The following ZFYVE26 variants were observed in gnomAD, a reference collection of about 807,000 sequenced individuals.
The protein encoded by ZFYVE26 is zinc finger FYVE-type containing 26, also known as zinc finger FYVE domain-containing protein 26.
In ZFYVE26, 181 loss-of-function variants were observed where a neutral mutation model predicts 276.5. The observed-to-expected ratio is 0.65, with a 90% CI of 0.58 to 0.74. The LOEUF (loss-of-function observed/expected upper bound fraction) is 0.74. Ranked by LOEUF, ZFYVE26 falls within the 30% of genes least tolerant of loss-of-function variation. The pLI, the probability that ZFYVE26 is intolerant of heterozygous loss-of-function variation, is 0.00. For synonymous variants in ZFYVE26, 1,129 were observed against 1,203.1 expected (o/e 0.94, Z 1.27); for missense variants, 2,821 against 3,097.9 (o/e 0.91, Z 2.12).
chr14:67,748,375 A>G lies in ZFYVE26; in HGVS notation c.*61T>C, dbSNP rs1594877833. 3.2e-6 allele frequency: 5 copies of G among 1,563,766 alleles called. No individual in the cohort carries two copies. The East Asian group carries it at 1.1e-4, about 35-fold the overall frequency. ...CCACTGGAGGAAAGAGGTGGAGGGC[A>G]TCGCCATCACTGCTGTTGCCCAGCT... On this transcript the variant is annotated 3_prime_UTR_variant, in exon 42 of 42. Coordinates refer to ENST00000347230, the MANE Select transcript of ZFYVE26 (RefSeq NM_015346.4).
chr14:67,797,413 G>GA (rs1254298396), intron 12 of ZFYVE26: 20 of 523,954 alleles, frequency 3.8e-5, no homozygotes, highest in Admixed American at 1.6e-4. Flanking sequence ...GGATATAAAT[G>GA]AAAAAAGCAA....
chr14:67,756,341 A>G, intron 35 of ZFYVE26, 196 bp from the exon 36 acceptor site: 1 of 654,128 alleles, frequency 1.5e-6, no homozygotes, highest in Non-Finnish European at 2.7e-6. Flanking sequence ...CCTTTTACAG[A>G]GAAGCCCCTA....
chr14:67,769,626 C>T lies in ZFYVE26; in HGVS notation c.5589G>A (p.Val1863=). ...VEGCRENPAR[V]CDQCYSYCNK... ...TGCAGTAACTATAGCACTGATCACA[C>T]ACACGAGCAGGGTTCTCTCTGCAGC... Residue 1863 remains valine, a synonymous_variant, in exon 29 of 42, where the codon GTG becomes GTA. Coordinates refer to ENST00000347230, the MANE Select transcript of ZFYVE26 (RefSeq NM_015346.4). The T allele has an allele frequency of 6.2e-7, 1 of 1,614,008 alleles. No individual in the cohort carries two copies. The highest frequency in any genetic ancestry group is 8.5e-7 in the Non-Finnish European group (1 of 1,179,894).
At chr14:67,752,966 A>G (rs569472275) in intron 39 of ZFYVE26, among the ~76,000 whole-genome samples, 43 of 152,126 alleles carry the variant, frequency 2.8e-4, no homozygotes, top group African/African-American at 8.7e-4. Flanking sequence ...AACACCTTAA[A>G]CCTGGTCTAG....
chr14:67,753,945 G>T, intron 38 of ZFYVE26, 126 bp downstream of exon 38: 2 of 1,537,738 alleles, frequency 1.3e-6, no homozygotes, highest in Non-Finnish European at 1.8e-6. Context: ...GTCTTTGGTG[G>T]CTCATATTCT....
intron 13 of ZFYVE26, among the ~76,000 whole-genome samples, chr14:67,732,214 A>G (rs1037522039): frequency 6.6e-6 from 1 of 151,480 alleles, no homozygotes; most frequent in Non-Finnish European, 1.5e-5. Context: ...AGGCAGGAGG[A>G]TTGCTTGAGC....
chr14:67,745,517 C>T (rs552490751), downstream of ZFYVE26, among the ~76,000 whole-genome samples: 5 of 151,446 alleles, frequency 3.3e-5, no homozygotes, highest in Non-Finnish European at 5.9e-5. Flanking sequence ...ATCATGTTTC[C>T]GGGGAAAGGA....
Position 67,761,598 on chromosome 14 carries a change from G to C in ZFYVE26, c.6370-14C>G, listed in dbSNP as rs1445671718. 1 of 1,611,206 alleles carries C rather than the reference G, an allele frequency of 6.2e-7. No individual in the cohort carries two copies. The highest frequency in any genetic ancestry group is 1.3e-5 in the African/African-American group (1 of 74,856). ...ATCGTCATCTTGCTGACAGCACAGG[G>C]AGCGAGAGAGAAAAATGAAACTCAA... is the stretch of plus-strand genomic sequence containing the variant. On this transcript the variant is annotated splice_polypyrimidine_tract_variant and intron_variant, in intron 34 of 41. Coordinates refer to ENST00000347230, the MANE Select transcript of ZFYVE26 (RefSeq NM_015346.4).
intron 2 of ZFYVE26, 72 bp downstream of exon 2, chr14:67,815,698 T>C: frequency 6.7e-7 from 1 of 1,487,810 alleles, no homozygotes; most frequent in Admixed American, 1.7e-5. Flanking sequence ...GGGGGCACAT[T>C]GACCAATGCC....
chr14:67,794,243 C>A lies in ZFYVE26; in HGVS notation c.2333-4G>T. The A allele has an allele frequency of 6.2e-7, 1 of 1,614,014 alleles. No homozygotes were observed. Among genetic ancestry groups the A allele is most frequent in the Non-Finnish European group, 8.5e-7 (1 of 1,179,868 alleles). ...TTTGAACCTCTGTCTCGGCCATCTA[C>A]AGGTATTGGGAAGAAGAGAGAAAGT... On this transcript the variant is annotated splice_region_variant and splice_polypyrimidine_tract_variant and intron_variant, in intron 12 of 41. Coordinates refer to ENST00000347230, the MANE Select transcript of ZFYVE26 (RefSeq NM_015346.4).
intron 1 of ZFYVE26, 106 bp from the exon 2 acceptor site, chr14:67,816,152 T>C (rs565156973): frequency 3.5e-6 from 2 of 565,994 alleles, no homozygotes; most frequent in Admixed American, 6.4e-5. Context: ...TGCCTAAGTA[T>C]CGTTTTCAGT....
chr14:67,793,432 C>T (rs978474669), intron 14 of ZFYVE26, among the ~76,000 whole-genome samples, 176 bp downstream of exon 14: 1 of 152,038 alleles, frequency 6.6e-6, no homozygotes, highest in Non-Finnish European at 1.5e-5. Context: ...AATTCACTAT[C>T]TTTCAATCCA....
chr14:67,749,249 T>A (rs2038570968), intron 41 of ZFYVE26, among the ~76,000 whole-genome samples: 1 of 151,998 alleles, frequency 6.6e-6, no homozygotes, highest in Non-Finnish European at 1.5e-5. Context: ...GAATCTAAAG[T>A]TTTTTTTATA....
In ZFYVE26 at chr14:67,775,119, A is replaced by T; in HGVS notation, c.5222-5T>A. ...CTTGGAGGTGAATCACAGAATCTGT[A>T]GAGAGGGAAAATGCTGACAAAATAT... On this transcript the variant is annotated splice_polypyrimidine_tract_variant and splice_region_variant and intron_variant, in intron 26 of 41. Coordinates refer to ENST00000347230, the MANE Select transcript of ZFYVE26 (RefSeq NM_015346.4). 1 of 1,596,834 alleles carries T rather than the reference A, an allele frequency of 6.3e-7. No individual in the cohort carries two copies. The highest frequency in any genetic ancestry group is 8.6e-7 in the Non-Finnish European group (1 of 1,168,172).
At chr14:67,793,506 T>A (rs901059871) in intron 14 of ZFYVE26, 102 bp downstream of exon 14, 3 of 1,336,000 alleles carry the variant, frequency 2.2e-6, no homozygotes, top group Non-Finnish European at 3.1e-6. Context: ...TTCTGCTTGA[T>A]GTGGACCCCT....
At chr14:67,806,958 TCTCA>T (rs1264731981) in intron 5 of ZFYVE26, among the ~76,000 whole-genome samples, 3 of 152,100 alleles carry the variant, frequency 2.0e-5, no homozygotes, top group Non-Finnish European at 2.9e-5. Context: ...TGAGATAGGG[TCTCA>T]CTCTGTCATG....
At chr14:67,791,656 G>GA (rs778915327) in intron 14 of ZFYVE26, among the ~76,000 whole-genome samples, 2,076 of 131,438 alleles carry the variant, frequency 0.016, 45 homozygotes, top group Admixed American at 0.018. Flanking sequence ...AGTTTTTATT[G>GA]AAAAAAAAAA....
intron 3 of ZFYVE26, among the ~76,000 whole-genome samples, chr14:67,813,762 T>C (rs1338749921): frequency 1.3e-5 from 2 of 152,228 alleles, no homozygotes; most frequent in Non-Finnish European, 2.9e-5. Flanking sequence ...GGCACAAGAC[T>C]CATGGTGGTA....
chr14:67,802,185 G>C lies in ZFYVE26; in HGVS notation c.1533C>G (p.Leu511=). Residue 511 remains leucine (L), a synonymous_variant, in exon 10 of 42, where the codon CTC becomes CTG. Coordinates refer to ENST00000347230, the MANE Select transcript of ZFYVE26 (RefSeq NM_015346.4). ...FCAMKYAIYA[L]CVNSHQHSQC... ...GGGAGTGCTGGTGTGAGTTTACACA[G>C]AGGGCATAGATGGCATACTTCATGG... The C allele has an allele frequency of 1.2e-6, 2 of 1,614,210 alleles. No individual in the cohort carries two copies. The highest frequency in any genetic ancestry group is 1.7e-6 in the Non-Finnish European group (2 of 1,180,044).
Sources: gnomAD v4.1 joint callset for allele counts (sites outside exome capture counted in the v4.1 genomes callset) on GRCh38, gnomAD v4.1.1 for gene constraint, MANE v1.5 for transcripts, NCBI Gene and HGNC (gene_info 2026-07-23, HGNC 2026-07-21) for gene names.